Variants in SRPK2 observed in about 807,000 individuals in gnomAD.
SRPK2 encodes SRSF protein kinase 2, also known as SFRS protein kinase 2.
In SRPK2, 21 loss-of-function variants were observed where a neutral mutation model predicts 90.8. The ratio of observed to expected loss-of-function variants is 0.23; its 90% CI spans 0.16 to 0.33. The LOEUF is 0.33. Ranked by LOEUF, SRPK2 falls within the 10% of genes least tolerant of loss-of-function variation. The probability of loss-of-function intolerance (pLI) is 1.00; values close to 1 mark genes in which losing one functional copy is unlikely to be tolerated. For missense variants in SRPK2, 620 were observed against 869.0 expected, an observed-to-expected ratio of 0.71 and a Z score of 3.60; for synonymous variants, 288 against 311.1, an observed-to-expected ratio of 0.93 and a Z score of 0.78.
chr7:105,285,808 C>CCCA (rs1808025510), intron 2 of SRPK2, among the ~76,000 whole-genome samples: 1 of 152,180 alleles, frequency 6.6e-6, no homozygotes. Context: ...AGATGCTGGA[C>CCCA]CCATGCTTGT....
chr7:105,380,524 T>A (rs1820819252), intron 2 of SRPK2, among the ~76,000 whole-genome samples: 1 of 136,466 alleles, frequency 7.3e-6, no homozygotes, highest in Admixed American at 8.0e-5. Flanking sequence ...TGCTAAAATT[T>A]TTTTTTTTTT....
intron 2 of SRPK2, among the ~76,000 whole-genome samples, chr7:105,346,024 T>G (rs2131969542): frequency 6.6e-6 from 1 of 151,944 alleles, no homozygotes; most frequent in East Asian, 1.9e-4. Flanking sequence ...AAGATGAAAC[T>G]TAACTTCTTT....
chr7:105,236,115 T>G (rs1284883560), intron 2 of SRPK2, among the ~76,000 whole-genome samples: 1 of 152,148 alleles, frequency 6.6e-6, no homozygotes, highest in Non-Finnish European at 1.5e-5. Context: ...TCCATAGGAA[T>G]GGGGTAGGGT....
chr7:105,363,130 T>C (rs1432678062), intron 2 of SRPK2, among the ~76,000 whole-genome samples: 2 of 152,128 alleles, frequency 1.3e-5, no homozygotes, highest in African/African-American at 4.8e-5. Context: ...GGCACATGTA[T>C]ACATATGTAA....
chr7:105,150,104 C>T (rs568381101), intron 7 of SRPK2, among the ~76,000 whole-genome samples: 2 of 151,682 alleles, frequency 1.3e-5, no homozygotes, highest in South Asian at 4.2e-4. Flanking sequence ...TAATAAGATA[C>T]TGACAAGTTC....
chr7:105,190,150 C>A (rs1794100608), intron 3 of SRPK2, among the ~76,000 whole-genome samples: 2 of 152,192 alleles, frequency 1.3e-5, no homozygotes, highest in South Asian at 4.1e-4. Context: ...GGATCCTGCG[C>A]TCCCTCTGGC....
At chr7:105,147,561 C>T (rs1804834248) in intron 7 of SRPK2, among the ~76,000 whole-genome samples, 2 of 152,176 alleles carry the variant, frequency 1.3e-5, no homozygotes, top group South Asian at 4.1e-4. Context: ...TTGTGATCCA[C>T]CTGTCTCGAC....
At chr7:105,127,202 T>A (rs1801331795) in intron 13 of SRPK2, 140 bp from the exon 14 acceptor site, 2 of 668,084 alleles carry the variant, frequency 3.0e-6, no homozygotes, top group Non-Finnish European at 5.1e-6. Flanking sequence ...TCAATACTAA[T>A]TTTTTTCTTT....
intron 3 of SRPK2, among the ~76,000 whole-genome samples, chr7:105,172,574 C>A (rs1212223386): frequency 1.3e-5 from 2 of 152,146 alleles, no homozygotes; most frequent in African/African-American, 2.4e-5. Flanking sequence ...AAAGACTGAT[C>A]TACCATAATT....
At chr7:105,375,542 C>A (rs189870922) in intron 2 of SRPK2, among the ~76,000 whole-genome samples, 1 of 152,180 alleles carries the variant, frequency 6.6e-6, no homozygotes. Flanking sequence ...AAAATGTATT[C>A]AAAATCACAG....
intron 2 of SRPK2, among the ~76,000 whole-genome samples, chr7:105,279,625 C>T (rs897073310): frequency 2.0e-5 from 3 of 152,226 alleles, no homozygotes; most frequent in Non-Finnish European, 2.9e-5. Context: ...ACCAGTGTTT[C>T]GGTATAAAAT....
At chr7:105,228,542 C>A (rs996651136) in intron 2 of SRPK2, among the ~76,000 whole-genome samples, 12 of 152,180 alleles carry the variant, frequency 7.9e-5, no homozygotes, top group African/African-American at 2.7e-4. Flanking sequence ...TTTTTGGAGA[C>A]GGGCGCAGTG....
intron 2 of SRPK2, among the ~76,000 whole-genome samples, chr7:105,241,669 A>G (rs979622970): frequency 1.3e-5 from 2 of 152,198 alleles, no homozygotes; most frequent in Admixed American, 6.5e-5. Flanking sequence ...AGCTCTAACA[A>G]TCTACAAATC....
intron 15 of SRPK2, among the ~76,000 whole-genome samples, chr7:105,122,809 A>ACG (rs1318180703): frequency 6.6e-6 from 1 of 151,326 alleles, no homozygotes; most frequent in African/African-American, 2.4e-5. Context: ...ACATACACAC[A>ACG]CGCGCGCGCA....
chr7:105,156,486 G>A (rs1806509083), intron 7 of SRPK2, among the ~76,000 whole-genome samples: 1 of 152,054 alleles, frequency 6.6e-6, no homozygotes, highest in East Asian at 1.9e-4. Context: ...AACTAATGAG[G>A]AAGGTATCAT....
intron 2 of SRPK2, among the ~76,000 whole-genome samples, chr7:105,205,538 C>G (rs1473192772): frequency 7.3e-6 from 1 of 136,066 alleles, no homozygotes; most frequent in Non-Finnish European, 1.5e-5. Context: ...CACACACACA[C>G]ACACACACAC....
At chr7:105,185,045 T>G (rs1258525536) in intron 3 of SRPK2, among the ~76,000 whole-genome samples, 2 of 152,178 alleles carry the variant, frequency 1.3e-5, no homozygotes, top group Non-Finnish European at 2.9e-5. Flanking sequence ...GTACGTGAAC[T>G]TGGACATTGT....
upstream of SRPK2, chr7:105,389,322 C>A (rs761769822): frequency 7.8e-7 from 1 of 1,281,100 alleles, no homozygotes; most frequent in South Asian, 1.2e-5. Context: ...CACCTCTCTT[C>A]CCGCGGCCTC....
chr7:105,275,568 G>T (rs1806377779), intron 2 of SRPK2, among the ~76,000 whole-genome samples: 1 of 152,112 alleles, frequency 6.6e-6, no homozygotes, highest in Non-Finnish European at 1.5e-5. Context: ...TAATGGCCTA[G>T]GAGCTCTAAT....
Sources: allele counts gnomAD v4.1 joint callset (sites outside exome capture counted in the v4.1 genomes callset), GRCh38; gene constraint gnomAD v4.1.1; transcripts MANE v1.5; gene names NCBI Gene and HGNC (gene_info 2026-07-23, HGNC 2026-07-21).